Variants in SLC2A13 observed in about 807,000 individuals in gnomAD.
SLC2A13 encodes the protein solute carrier family 2 member 13, also known as proton myo-inositol cotransporter.
SLC2A13 carries 32 observed loss-of-function variants against 64.4 expected under a neutral mutation model. That is an observed-to-expected ratio of 0.50 (90% confidence interval 0.37 to 0.67). The LOEUF is 0.67. SLC2A13 is among the 30% of genes least tolerant of loss of function. SLC2A13 has a pLI of 0.00. For synonymous variants in SLC2A13, 338 were observed against 327.1 expected (o/e 1.03, Z -0.36); for missense variants, 743 against 829.2 (o/e 0.90, Z 1.28).
chr12:39,945,635 A>G (rs12424585), intron 4 of SLC2A13, among the ~76,000 whole-genome samples: 4 of 151,846 alleles, frequency 2.6e-5, no homozygotes, highest in Non-Finnish European at 5.9e-5. Flanking sequence ...TACTTGTTCA[A>G]TTCTGTTTCT....
At chr12:39,908,760 G>A (rs1315771415) in intron 4 of SLC2A13, among the ~76,000 whole-genome samples, 1 of 151,974 alleles carries the variant, frequency 6.6e-6, no homozygotes, top group Non-Finnish European at 1.5e-5. Context: ...CACAATTACT[G>A]TCAGGTCTTG....
At chr12:40,022,954 G>A (rs926367478) in intron 3 of SLC2A13, among the ~76,000 whole-genome samples, 1 of 151,944 alleles carries the variant, frequency 6.6e-6, no homozygotes, top group African/African-American at 2.4e-5. Flanking sequence ...AAGTTCCTTG[G>A]ATTGAACCCA....
At chr12:40,014,337 CT>C (rs1006826892) in intron 3 of SLC2A13, among the ~76,000 whole-genome samples, 1 of 152,096 alleles carries the variant, frequency 6.6e-6, no homozygotes, top group African/African-American at 2.4e-5. Flanking sequence ...GAAACTATCC[CT>C]TTTGTAAAAG....
chr12:40,019,863 C>T (rs553847063), intron 3 of SLC2A13, among the ~76,000 whole-genome samples: 135 of 152,290 alleles, frequency 8.9e-4, no homozygotes, highest in Non-Finnish European at 1.5e-3. Flanking sequence ...ATTATAGTTC[C>T]GGCTTCATAA....
At chr12:39,885,614 C>T (rs1312690066) in intron 4 of SLC2A13, among the ~76,000 whole-genome samples, 1 of 152,074 alleles carries the variant, frequency 6.6e-6, no homozygotes, top group African/African-American at 2.4e-5. Flanking sequence ...CCGAAGCACC[C>T]AGAGAAAAAT....
chr12:39,813,352 T>C (rs1487570970), intron 7 of SLC2A13, among the ~76,000 whole-genome samples: 2 of 152,098 alleles, frequency 1.3e-5, no homozygotes, highest in Admixed American at 6.6e-5. Flanking sequence ...GAGAGTATAG[T>C]ATAATTAACC....
chr12:39,870,861 T>G lies in SLC2A13; in HGVS notation c.1198+937A>C, dbSNP rs1329573241. Among the ~76,000 whole-genome samples, 3 of 152,180 alleles carry G rather than the reference T, an allele frequency of 2.0e-5. No homozygotes were observed. The East Asian group carries it at 5.8e-4, about 29-fold the overall frequency. On this transcript the variant is annotated intron_variant, in intron 5 of 9. Coordinates refer to ENST00000280871, the MANE Select transcript of SLC2A13 (RefSeq NM_052885.4). ...GGGTATGTATTTCTGATAACTGGGT[T>G]TGGAACTTAGAATGTATTTTCTCAT...
chr12:40,062,976 T>C (rs1016676808), intron 1 of SLC2A13, among the ~76,000 whole-genome samples: 1 of 152,142 alleles, frequency 6.6e-6, no homozygotes, highest in African/African-American at 2.4e-5. Context: ...ATTTTACAAG[T>C]TGTTTTATAT....
intron 4 of SLC2A13, among the ~76,000 whole-genome samples, chr12:39,915,878 C>T (rs747100714): frequency 9.2e-5 from 14 of 151,830 alleles, no homozygotes; most frequent in Non-Finnish European, 1.5e-4. Context: ...GACATCATCA[C>T]GACAAATCTC....
At chr12:39,912,652 T>C (rs1315647716) in intron 4 of SLC2A13, among the ~76,000 whole-genome samples, 2 of 152,056 alleles carry the variant, frequency 1.3e-5, no homozygotes, top group African/African-American at 2.4e-5. Flanking sequence ...CCAGTTATTA[T>C]AATGAGAAAG....
At chr12:40,095,784 G>T (rs972682370) in intron 1 of SLC2A13, among the ~76,000 whole-genome samples, 1 of 152,226 alleles carries the variant, frequency 6.6e-6, no homozygotes, top group Non-Finnish European at 1.5e-5. Context: ...GTTGAATGAA[G>T]AAAAATGAAT....
chr12:39,764,722 A>G lies in SLC2A13; in HGVS notation c.1567+15T>C, dbSNP rs1940286691. ...AATTCAATTAATGCAACAGTATAAC[A>G]AAGTCTTTGTTTACCAGGTGCAAAG... On this transcript the variant is annotated intron_variant, in intron 8 of 9. Coordinates refer to ENST00000280871, the MANE Select transcript of SLC2A13 (RefSeq NM_052885.4). 1.2e-6 allele frequency: 2 copies of G among 1,610,776 alleles called. No homozygotes were observed. The highest frequency in any genetic ancestry group is 1.7e-5 in the Admixed American group (1 of 59,414).
chr12:39,799,385 C>T (rs1941701690), intron 7 of SLC2A13, among the ~76,000 whole-genome samples: 1 of 150,626 alleles, frequency 6.6e-6, no homozygotes, highest in Admixed American at 6.7e-5. Context: ...GCTGGAATTA[C>T]AGGCATGAGC....
chr12:40,054,618 A>C (rs539845906), intron 1 of SLC2A13, among the ~76,000 whole-genome samples: 50 of 152,344 alleles, frequency 3.3e-4, no homozygotes, highest in African/African-American at 1.2e-3. Flanking sequence ...TTTCACCAGA[A>C]AACTGCATCT....
chr12:40,082,294 A>G (rs1938434643), intron 1 of SLC2A13, among the ~76,000 whole-genome samples: 1 of 152,140 alleles, frequency 6.6e-6, no homozygotes, highest in Non-Finnish European at 1.5e-5. Flanking sequence ...ATTCAGCCAT[A>G]CCTGTTGGTC....
intron 2 of SLC2A13, among the ~76,000 whole-genome samples, chr12:40,038,891 G>T (rs779091426): frequency 2.0e-5 from 3 of 151,990 alleles, no homozygotes; most frequent in Non-Finnish European, 2.9e-5. Context: ...GTATTGTACT[G>T]CTTTTTTATA....
intron 4 of SLC2A13, among the ~76,000 whole-genome samples, chr12:39,908,987 A>T (rs1166581460): frequency 2.0e-5 from 3 of 149,778 alleles, no homozygotes; most frequent in Non-Finnish European, 4.5e-5. Context: ...ATAAGCATAA[A>T]GAAAGAGTTT....
intron 3 of SLC2A13, among the ~76,000 whole-genome samples, chr12:40,019,596 A>ATG (rs1947680236): frequency 6.6e-6 from 1 of 152,204 alleles, no homozygotes; most frequent in African/African-American, 2.4e-5. Context: ...GAAAGGGAGA[A>ATG]TGTGTTTCTA....
intron 4 of SLC2A13, among the ~76,000 whole-genome samples, chr12:39,925,030 A>T (rs950923772): frequency 8.4e-6 from 1 of 119,130 alleles, no homozygotes; most frequent in Non-Finnish European, 1.7e-5. Context: ...CATACAGATA[A>T]TTTTTTTTTT....
Sources: allele counts gnomAD v4.1 joint callset (sites outside exome capture counted in the v4.1 genomes callset), GRCh38; gene constraint gnomAD v4.1.1; transcripts MANE v1.5; gene names NCBI Gene and HGNC (gene_info 2026-07-23, HGNC 2026-07-21).